Variants in GRIK2 observed in about 807,000 individuals in gnomAD.
The protein encoded by GRIK2 is glutamate ionotropic receptor kainate type subunit 2.
GRIK2 carries 32 observed loss-of-function variants against 100.3 expected under a neutral mutation model. The ratio of observed to expected loss-of-function variants is 0.32; its 90% CI spans 0.24 to 0.43. The LOEUF (loss-of-function observed/expected upper bound fraction) is 0.43. Among genes scored for constraint, GRIK2 ranks in the 20% least tolerant of loss-of-function variants. The pLI is 1.00. For missense variants in GRIK2, 843 were observed against 1,114.9 expected, an observed-to-expected ratio of 0.76 and a Z score of 3.47; for synonymous variants, 417 against 389.4, an observed-to-expected ratio of 1.07 and a Z score of -0.83.
At chr6:101,603,291 A>C (rs1779304558) in intron 2 of GRIK2, among the ~76,000 whole-genome samples, 1 of 151,754 alleles carries the variant, frequency 6.6e-6, no homozygotes, top group African/African-American at 2.4e-5. Flanking sequence ...ACCTAACTTA[A>C]TCACAATAAC....
chr6:101,795,639 C>T (rs1438381497), intron 7 of GRIK2, among the ~76,000 whole-genome samples: 1 of 152,204 alleles, frequency 6.6e-6, no homozygotes, highest in Non-Finnish European at 1.5e-5. Flanking sequence ...CTTGGACTCT[C>T]AGGCATCACA....
At chr6:101,547,373 G>T (rs1344544178) in intron 2 of GRIK2, among the ~76,000 whole-genome samples, 1 of 151,964 alleles carries the variant, frequency 6.6e-6, no homozygotes, top group Non-Finnish European at 1.5e-5. Flanking sequence ...CAACGTGCAG[G>T]TTTGTTACAT....
At chr6:101,724,967 C>T (rs1583027028) in intron 7 of GRIK2, among the ~76,000 whole-genome samples, 1 of 151,988 alleles carries the variant, frequency 6.6e-6, no homozygotes, top group African/African-American at 2.4e-5. Flanking sequence ...GTCTCTTTTT[C>T]ACTTTATTGC....
chr6:101,535,707 A>G (rs950978382), intron 2 of GRIK2, among the ~76,000 whole-genome samples: 1 of 151,766 alleles, frequency 6.6e-6, no homozygotes, highest in African/African-American at 2.4e-5. Flanking sequence ...ATAATTATAT[A>G]TGATATGGAT....
chr6:101,606,965 A>G (rs1582814750), intron 2 of GRIK2, among the ~76,000 whole-genome samples: 1 of 152,000 alleles, frequency 6.6e-6, no homozygotes, highest in Non-Finnish European at 1.5e-5. Context: ...ATGTGAGAAG[A>G]AAAACAAATG....
At chr6:101,879,077 A>C (rs1786067623) in intron 11 of GRIK2, among the ~76,000 whole-genome samples, 1 of 152,036 alleles carries the variant, frequency 6.6e-6, no homozygotes, top group Non-Finnish European at 1.5e-5. Context: ...AAGCGAAATG[A>C]GAGAACATGG....
In GRIK2 at chr6:101,410,463, C is replaced by T. The variant is rs568467709; in HGVS notation, c.115+11071C>T. ...TTTAAGGTAGAACAGATTTTGGTAC[C>T]ACCCCTAGACCACTAACCTCAGCAT... On this transcript the variant is annotated intron_variant, in intron 2 of 16. Transcript: ENST00000369134. Among the ~76,000 whole-genome samples the T allele has an allele frequency of 2.6e-5, 4 of 151,958 alleles. No individual in the cohort carries two copies. In the East Asian group the frequency reaches 7.8e-4, roughly 29 times the overall value.
intron 10 of GRIK2, among the ~76,000 whole-genome samples, chr6:101,830,155 C>T (rs979454868): frequency 1.3e-5 from 2 of 151,642 alleles, no homozygotes; most frequent in South Asian, 2.1e-4. Flanking sequence ...TTGACAAAAT[C>T]GACAAAAACA....
chr6:101,478,107 T>A (rs1178383354), intron 2 of GRIK2, among the ~76,000 whole-genome samples: 1 of 152,186 alleles, frequency 6.6e-6, no homozygotes, highest in Non-Finnish European at 1.5e-5. Context: ...TAAGAGTATA[T>A]AATGTTAATG....
At chr6:101,975,616 G>T (rs948526821) in intron 14 of GRIK2, among the ~76,000 whole-genome samples, 1 of 151,852 alleles carries the variant, frequency 6.6e-6, no homozygotes, top group African/African-American at 2.4e-5. Context: ...TGGACTTGAG[G>T]AAATAGAAAC....
intron 2 of GRIK2, among the ~76,000 whole-genome samples, chr6:101,589,037 A>G (rs996269548): frequency 2.0e-5 from 3 of 152,136 alleles, no homozygotes; most frequent in Non-Finnish European, 2.9e-5. Context: ...TATAATTAAT[A>G]AAGAGTGATT....
chr6:101,571,192 C>T (rs1777508174), intron 2 of GRIK2, among the ~76,000 whole-genome samples: 1 of 152,118 alleles, frequency 6.6e-6, no homozygotes, highest in African/African-American at 2.4e-5. Flanking sequence ...TGTTTAGTCA[C>T]AGTGATCAGT....
chr6:101,943,589 T>C (rs563588129), intron 14 of GRIK2, among the ~76,000 whole-genome samples: 1 of 152,334 alleles, frequency 6.6e-6, no homozygotes, highest in South Asian at 2.1e-4. Context: ...TGCATCAGCA[T>C]ACCCTGTATG....
chr6:101,514,134 A>G (rs573795157), intron 2 of GRIK2, among the ~76,000 whole-genome samples: 3 of 152,304 alleles, frequency 2.0e-5, no homozygotes, highest in South Asian at 2.1e-4. Context: ...AGGTAGTTCA[A>G]TTGGGGAAGG....
chr6:101,889,503 A>G (rs1158475701), intron 11 of GRIK2, 137 bp from the exon 12 acceptor site: 2 of 560,710 alleles, frequency 3.6e-6, no homozygotes, highest in East Asian at 2.9e-5. Context: ...TTTTAACATA[A>G]TCGTTACTGA....
At chr6:101,927,328 G>A in intron 13 of GRIK2, 1 of 758,454 alleles carries the variant, frequency 1.3e-6, no homozygotes, top group Non-Finnish European at 1.6e-6. Context: ...TTATACTAAA[G>A]ATATGACTGT....
intron 7 of GRIK2, among the ~76,000 whole-genome samples, chr6:101,771,983 G>A (rs113352448): frequency 0.017 from 2,644 of 152,006 alleles, 73 homozygotes; most frequent in African/African-American, 0.06. Context: ...GAATAGTGTC[G>A]CAATAAACAT....
At chr6:101,921,382 T>G (rs1789481132) in intron 12 of GRIK2, among the ~76,000 whole-genome samples, 1 of 152,068 alleles carries the variant, frequency 6.6e-6, no homozygotes, top group Admixed American at 6.6e-5. Flanking sequence ...GAATAGGATT[T>G]AATATATATA....
intron 16 of GRIK2, among the ~76,000 whole-genome samples, chr6:102,063,288 C>G (rs76682131): frequency 0.017 from 2,550 of 150,462 alleles, 75 homozygotes; most frequent in African/African-American, 0.059. Flanking sequence ...TTTATACTAT[C>G]AAAATTAGGC....
Sources: allele counts gnomAD v4.1 joint callset (sites outside exome capture counted in the v4.1 genomes callset), GRCh38; gene constraint gnomAD v4.1.1; transcripts MANE v1.5; gene names NCBI Gene and HGNC (gene_info 2026-07-23, HGNC 2026-07-21).